SNTB2: variants seen among roughly 807,000 people sequenced by gnomAD.
The protein encoded by SNTB2 is beta-2-syntrophin.
A neutral mutation model predicts 46.2 loss-of-function variants in SNTB2; 34 were observed. The ratio of observed to expected loss-of-function variants is 0.74; its 90% confidence interval spans 0.56 to 0.98. The LOEUF (loss-of-function observed/expected upper bound fraction) is 0.98, where lower values mean the gene tolerates loss of function less well. Among genes scored for constraint, SNTB2 ranks in the 50% least tolerant of loss-of-function variants. The probability of loss-of-function intolerance (pLI) is 0.00; values close to 1 mark genes in which losing one functional copy is unlikely to be tolerated. For missense variants in SNTB2, 603 were observed against 731.4 expected (o/e 0.82, Z 2.02); for synonymous variants, 290 against 312.6 (o/e 0.93, Z 0.76).
chr16:69,264,914 A>T (rs975775951), intron 3 of SNTB2, among the ~76,000 whole-genome samples: 1 of 152,198 alleles, frequency 6.6e-6, no homozygotes, highest in African/African-American at 2.4e-5. Context: ...AGAAGAGCAC[A>T]TATTTCAGTG....
chr16:69,249,304 G>T (rs145213199), intron 2 of SNTB2, among the ~76,000 whole-genome samples: 2,069 of 152,220 alleles, frequency 0.014, 56 homozygotes, highest in African/African-American at 0.048. Flanking sequence ...GGGGTTACAG[G>T]CATGAGCCAC....
intron 1 of SNTB2, among the ~76,000 whole-genome samples, chr16:69,243,930 A>T (rs1964643325): frequency 6.6e-6 from 1 of 152,232 alleles, no homozygotes. Context: ...CTTTTTTAAT[A>T]ACGTATAAGA....
Position 69,300,841 on chromosome 16 carries a change from C to T in SNTB2, c.1540C>T (p.Leu514=), listed in dbSNP as rs1165668461. 1.2e-6 allele frequency: 2 copies of T among 1,612,930 alleles called. No individual in the cohort carries two copies. The highest frequency in any genetic ancestry group is 3.3e-5 in the Admixed American group (2 of 60,024). ...GGPEGELTMD[L]HSCPKPIVFV... is the part of the protein sequence containing the mutation. ...TGTCCTTTCTCCACAGACCATGGAC[C>T]TGCACTCTTGTCCGAAGCCGATTGT... is the stretch of plus-strand genomic sequence containing the variant. The change falls in exon 7 of 7, where the codon CTG becomes TTG. Residue 514 remains leucine (L), a synonymous_variant. Coordinates refer to ENST00000336278, the MANE Select transcript of SNTB2 (RefSeq NM_006750.4).
intron 1 of SNTB2, among the ~76,000 whole-genome samples, chr16:69,216,926 T>C (rs1964352775): frequency 6.6e-6 from 1 of 152,176 alleles, no homozygotes; most frequent in South Asian, 2.1e-4. Context: ...AAGGAGAGTG[T>C]GGCTATGACT....
chr16:69,214,132 T>TA (rs1964321407), intron 1 of SNTB2, among the ~76,000 whole-genome samples: 2 of 149,116 alleles, frequency 1.3e-5, no homozygotes, highest in Non-Finnish European at 3.0e-5. Flanking sequence ...CTTTTATTTT[T>TA]TTTTTTTTTA....
rs1309934027 is a variant in SNTB2, at chr16:69,284,464, A to G, written c.1345+220A>G. The stretch of plus-strand genomic sequence containing the variant: ...TGGTGAAACCCCGTCTTTACTAAAA[A>G]AAAAAAAAAAAAAAAAAAAAAAAAA... On this transcript the variant is annotated intron_variant, in intron 5 of 6. Transcript: ENST00000336278. Among the ~76,000 whole-genome samples, 111 of 78,538 alleles carry G rather than the reference A, an allele frequency of 1.4e-3. 10 individuals carry two copies. The highest frequency in any genetic ancestry group is 5.1e-3 in the African/African-American group (98 of 19,152). 51.5% of individuals were successfully genotyped at this position (78,538 alleles called of 152,430 possible).
intron 4 of SNTB2, among the ~76,000 whole-genome samples, chr16:69,276,762 C>A (rs573593265): frequency 2.0e-4 from 30 of 152,026 alleles, no homozygotes; most frequent in Non-Finnish European, 3.4e-4. Context: ...GATATTTACA[C>A]TGAGGATGTG....
In SNTB2 at chr16:69,270,416, A is replaced by G. The variant is rs1964926899; in HGVS notation, c.1148+131A>G. 1.1e-5 allele frequency: 13 copies of G among 1,140,954 alleles called. No individual in the cohort carries two copies. The South Asian group carries it at 2.0e-4, about 17-fold the overall frequency. The allele number at this position is 1,140,954 out of a possible 1,614,324, so 70.7% of individuals were successfully genotyped here. ...AGTAGCGGATATAGTTGATGCAGAC[A>G]AAAATTTTTTGTTTTACAACCTTAT... is the stretch of plus-strand genomic sequence containing the variant. On this transcript the variant is annotated intron_variant, in intron 4 of 6. Coordinates refer to ENST00000336278, the MANE Select transcript of SNTB2 (RefSeq NM_006750.4).
intron 4 of SNTB2, among the ~76,000 whole-genome samples, chr16:69,278,479 G>A (rs1451672003): frequency 1.4e-5 from 2 of 140,336 alleles, no homozygotes; most frequent in African/African-American, 2.7e-5. Context: ...TTTTTGAGAC[G>A]GAGTCTTGCT....
chr16:69,280,355 C>A, intron 4 of SNTB2, among the ~76,000 whole-genome samples: 1 of 152,244 alleles, frequency 6.6e-6, no homozygotes, highest in Non-Finnish European at 1.5e-5. Flanking sequence ...TCATCATGGC[C>A]CGTTCTCAAT....
At chr16:69,199,499 G>T (rs558798908) in intron 1 of SNTB2, among the ~76,000 whole-genome samples, 12 of 151,540 alleles carry the variant, frequency 7.9e-5, no homozygotes, top group Non-Finnish European at 1.0e-4. Context: ...GGAGGTTGAG[G>T]TGGGAGGATC....
chr16:69,252,386 A>G (rs1002436811), intron 2 of SNTB2, among the ~76,000 whole-genome samples: 1 of 152,204 alleles, frequency 6.6e-6, no homozygotes, highest in African/African-American at 2.4e-5. Flanking sequence ...ATGAAGTCCA[A>G]GGAGAGAACA....
At position 69,187,740 on chromosome 16, in the gene SNTB2, C is replaced by T. The variant is rs944751416; in HGVS notation, c.574C>T (p.Leu192=). 1.2e-5 allele frequency: 8 copies of T among 669,942 alleles called. No individual in the cohort carries two copies. The highest frequency in any genetic ancestry group is 1.8e-5 in the Non-Finnish European group (8 of 444,442). The allele number at this position is 669,942 out of a possible 1,614,324, so 41.5% of individuals were successfully genotyped here. A position where few individuals can be genotyped will look rare whatever the true frequency, so the allele number is the denominator to read the frequency against. Residue 192 remains leucine, a synonymous_variant, in exon 1 of 7, where the codon CTG becomes TTG. Transcript: ENST00000336278. ...GAAGCGCGCGGGCAAGGAGGTGCTG[C>T]TGGAGGGTGAGCGGGGCCGGGCGGG... ...ALKRAGKEVL[L]EVKFIREVTP... is the part of the protein sequence containing the mutation.
chr16:69,214,161 C>T (rs368206212), intron 1 of SNTB2, among the ~76,000 whole-genome samples: 30 of 149,198 alleles, frequency 2.0e-4, no homozygotes, highest in African/African-American at 6.2e-4. Context: ...GAGACAGTCT[C>T]GCTCTGTTGC....
intron 5 of SNTB2, among the ~76,000 whole-genome samples, chr16:69,288,519 A>G (rs1231062745): frequency 6.6e-6 from 1 of 152,242 alleles, no homozygotes; most frequent in Non-Finnish European, 1.5e-5. Context: ...AGTAGCTAAT[A>G]TTCAAAAGAC....
chr16:69,260,023 CT>C (rs755162772), intron 2 of SNTB2, 26 bp from the exon 3 acceptor site: 43,547 of 1,027,344 alleles, frequency 0.042, 46 homozygotes, highest in Admixed American at 0.084. Context: ...TCCTAGCTCA[CT>C]TTTTTTTTTT....
chr16:69,194,620 C>T (rs564751152), intron 1 of SNTB2, among the ~76,000 whole-genome samples: 1 of 152,250 alleles, frequency 6.6e-6, no homozygotes, highest in South Asian at 2.1e-4. Context: ...CTTTCCCAGT[C>T]ATTCCAGCCA....
intron 3 of SNTB2, among the ~76,000 whole-genome samples, chr16:69,263,093 T>C (rs1470735231): frequency 6.6e-6 from 1 of 151,796 alleles, no homozygotes. Context: ...CTCTAGGAAC[T>C]ACCATTCCAC....
intron 1 of SNTB2, among the ~76,000 whole-genome samples, chr16:69,233,557 G>A (rs2152295225): frequency 6.6e-6 from 1 of 152,240 alleles, no homozygotes; most frequent in Non-Finnish European, 1.5e-5. Context: ...GCAGGTGGGA[G>A]CATAAAAATG....
Sources: gnomAD v4.1 joint callset for allele counts (sites outside exome capture counted in the v4.1 genomes callset) on GRCh38, gnomAD v4.1.1 for gene constraint, MANE v1.5 for transcripts, NCBI Gene and HGNC (gene_info 2026-07-23, HGNC 2026-07-21) for gene names.